The following CNTNAP3B variants were observed in gnomAD, a reference collection of about 807,000 sequenced individuals.
CNTNAP3B encodes contactin-associated protein-like 3B.
Under a neutral mutation model 108.9 loss-of-function variants are expected in CNTNAP3B, and 25 were observed. That is an observed-to-expected ratio of 0.23 (90% CI 0.17 to 0.32). The LOEUF is 0.32. CNTNAP3B is among the 10% of genes least tolerant of loss of function. The probability of loss-of-function intolerance (pLI) is 1.00; values close to 1 mark genes in which losing one functional copy is unlikely to be tolerated. For missense variants in CNTNAP3B, 252 were observed against 1,210.4 expected, an observed-to-expected ratio of 0.21 and a Z score of 11.75; for synonymous variants, 103 against 473.4, an observed-to-expected ratio of 0.22 and a Z score of 10.16.
chr9:41,921,078 C>T (rs1335903542), intron 17 of CNTNAP3B, among the ~76,000 whole-genome samples: 2 of 152,310 alleles, frequency 1.3e-5, no homozygotes, highest in African/African-American at 2.4e-5. Context: ...TTTTAGCCTC[C>T]TCCCAGAGAT....
intron 13 of CNTNAP3B, among the ~76,000 whole-genome samples, chr9:41,951,990 T>C (rs1330814627): frequency 6.6e-6 from 1 of 152,212 alleles, no homozygotes; most frequent in Admixed American, 6.5e-5. Flanking sequence ...GGCAGGAGAA[T>C]CGCTTGAATC....
In CNTNAP3B at chr9:42,129,361, G is replaced by C; in HGVS notation, c.-267C>G. ...GGCCGCGCGGCGCCGCCCCAGGCAC[G>C]GAGGCGGCAGGTTCAGGCGCGTCCC... On this transcript the variant is annotated 5_prime_UTR_variant, in exon 1 of 24. Transcript: ENST00000377561. The C allele has an allele frequency of 5.7e-6, 2 of 350,528 alleles. No individual in the cohort carries two copies. The highest frequency in any genetic ancestry group is 8.4e-5 in the South Asian group (1 of 11,854). 21.7% of individuals were successfully genotyped at this position (350,528 alleles called of 1,614,324 possible). A position where few individuals can be genotyped will look rare whatever the true frequency, so the allele number is the denominator to read the frequency against.
chr9:42,060,931 TTTTATATATA>T (rs1475866363), intron 3 of CNTNAP3B, among the ~76,000 whole-genome samples: 1 of 85,712 alleles, frequency 1.2e-5, no homozygotes, highest in Non-Finnish European at 2.2e-5. Context: ...TATGTTATAT[TTTTATATATA>T]TTTATATATT....
rs544494527 is a variant in CNTNAP3B at position 42,054,220 on chromosome 9, C to G, written c.390+22649G>C. ...AAAATCTTAGCATGAGAAATAGTTA[C>G]ACCATGTGAATTTAAAAATGAGGAG... On this transcript the variant is annotated intron_variant, in intron 3 of 23. Transcript: ENST00000377561. 4.1e-3 allele frequency among the ~76,000 whole-genome samples: 346 copies of G among 83,672 alleles called. 21 individuals are homozygous for G. Among genetic ancestry groups the G allele is most frequent in the African/African-American group, 0.015 (332 of 22,224 alleles). The allele number at this position is 83,672 out of a possible 152,430, so 54.9% of individuals were successfully genotyped here. A position where few individuals can be genotyped will look rare whatever the true frequency, so the allele number is the denominator to read the frequency against.
Position 42,109,072 on chromosome 9 carries a change from A to T in CNTNAP3B, c.86-4333T>A, listed in dbSNP as rs943485096. Among the ~76,000 whole-genome samples the T allele has an allele frequency of 4.3e-5, 6 of 138,442 alleles. 1 individual carries two copies. The highest frequency in any genetic ancestry group is 1.7e-4 in the African/African-American group (6 of 34,872). 90.8% of individuals were successfully genotyped at this position (138,442 alleles called of 152,430 possible). On this transcript the variant is annotated intron_variant, in intron 1 of 23. Transcript: ENST00000377561. ...AGACAGAGATGATATACTTTTCAAA[A>T]CAGCATTTCATTTGAGTATGTTAAT... is the stretch of plus-strand genomic sequence containing the variant.
chr9:41,934,122 T>TATATATATATATATATATATATATAC lies in CNTNAP3B; in HGVS notation c.2237+4121_2237+4122insGTATATATATATATATATATATATAT, dbSNP rs1214326050. 1.6e-3 allele frequency among the ~76,000 whole-genome samples: 116 copies of TATATATATATATATATATATATATAC among 73,166 alleles called. 1 individual carries two copies. Among genetic ancestry groups the TATATATATATATATATATATATATAC allele is most frequent in the African/African-American group, 5.3e-3 (90 of 16,878 alleles). The allele number at this position is 73,166 out of a possible 152,430, so 48.0% of individuals were successfully genotyped here. A position where few individuals can be genotyped will look rare whatever the true frequency, so the allele number is the denominator to read the frequency against. ...TTACATATATATATATATATATATATACACACACATATATATATACACACA... is the reference window on the plus strand; with the variant it reads ...TTACATATATATATATATATATATATATATATATATATATATATATATATACACACACACATATATATATACACACA... On this transcript the variant is annotated intron_variant, in intron 14 of 23. Transcript: ENST00000377561.
chr9:42,120,540 A>G (rs1203550881), intron 1 of CNTNAP3B, among the ~76,000 whole-genome samples: 1 of 138,188 alleles, frequency 7.2e-6, no homozygotes, highest in Non-Finnish European at 1.5e-5. Flanking sequence ...TTATTGCGGG[A>G]CTATTCACAA....
At chr9:41,928,502 C>T (rs1466654563) in intron 15 of CNTNAP3B, among the ~76,000 whole-genome samples, 1 of 152,102 alleles carries the variant, frequency 6.6e-6, no homozygotes, top group Non-Finnish European at 1.5e-5. Context: ...TAGCTGCCTA[C>T]ACGATTGGCT....
chr9:41,987,303 A>AT, intron 8 of CNTNAP3B, among the ~76,000 whole-genome samples: 2 of 53,128 alleles, frequency 3.8e-5, no homozygotes, highest in South Asian at 6.5e-4. Flanking sequence ...TCTACTAAAA[A>AT]ACAAAAAATT....
chr9:41,931,996 T>C (rs1047981145), intron 14 of CNTNAP3B, among the ~76,000 whole-genome samples: 3 of 152,220 alleles, frequency 2.0e-5, no homozygotes, highest in African/African-American at 7.2e-5. Flanking sequence ...AGTCTTGTTT[T>C]TTCATTGTTT....
Position 42,077,541 on chromosome 9 carries a change from C to T in CNTNAP3B, c.197-479G>A, listed in dbSNP as rs1421559954. Among the ~76,000 whole-genome samples the T allele has an allele frequency of 3.8e-5, 5 of 132,316 alleles. 2 individuals are homozygous for T. Among genetic ancestry groups the T allele is most frequent in the Non-Finnish European group, 8.0e-5 (5 of 62,522 alleles). 86.8% of individuals were successfully genotyped at this position (132,316 alleles called of 152,430 possible). On this transcript the variant is annotated intron_variant, in intron 2 of 23. Coordinates refer to ENST00000377561, the MANE Select transcript of CNTNAP3B (RefSeq NM_001201380.3). ...TTAAAACATAGAGTGCTTTGTGAGGCAATCCCACTTACATGTGGAATTCTA... is the reference window on the plus strand; with the variant it reads ...TTAAAACATAGAGTGCTTTGTGAGGTAATCCCACTTACATGTGGAATTCTA...
intron 13 of CNTNAP3B, among the ~76,000 whole-genome samples, chr9:41,943,345 ATTTTT>A (rs1165684239): frequency 0.044 from 5,877 of 132,426 alleles, 61 homozygotes; most frequent in East Asian, 0.13. Flanking sequence ...TTGGACAATA[ATTTTT>A]TTTTTTTTTT....
chr9:41,969,602 A>G (rs1587162128), intron 10 of CNTNAP3B, among the ~76,000 whole-genome samples: 5 of 152,054 alleles, frequency 3.3e-5, no homozygotes. Flanking sequence ...AATGCTATTT[A>G]TTCCATTAGA....
chr9:42,097,252 G>A, intron 2 of CNTNAP3B, among the ~76,000 whole-genome samples: 1 of 140,272 alleles, frequency 7.1e-6, no homozygotes, highest in Admixed American at 7.1e-5. Flanking sequence ...CATCTGGCAG[G>A]AGTGCACAGC....
intron 3 of CNTNAP3B, among the ~76,000 whole-genome samples, chr9:42,063,403 C>T (rs1827209298): frequency 7.4e-6 from 1 of 135,774 alleles, no homozygotes; most frequent in Non-Finnish European, 1.6e-5. Context: ...AAGGTTTCTG[C>T]TGTGATGTCT....
intron 1 of CNTNAP3B, among the ~76,000 whole-genome samples, chr9:42,123,840 A>T (rs1186413681): frequency 7.8e-6 from 1 of 128,600 alleles, no homozygotes; most frequent in African/African-American, 3.2e-5. Flanking sequence ...AAGTATAAGC[A>T]TATACTGAGT....
intron 3 of CNTNAP3B, among the ~76,000 whole-genome samples, chr9:42,043,172 C>T (rs1286778942): frequency 3.5e-4 from 29 of 82,556 alleles, no homozygotes; most frequent in Middle Eastern, 6.6e-3. Context: ...TTCTTTTATT[C>T]TTTTTTTTTT....
At chr9:41,966,898 C>T (rs554616609) in intron 10 of CNTNAP3B, among the ~76,000 whole-genome samples, 560 of 150,060 alleles carry the variant, frequency 3.7e-3, no homozygotes, top group African/African-American at 0.013. Context: ...ACCCAGGAGG[C>T]GGAGCTTGCA....
intron 16 of CNTNAP3B, among the ~76,000 whole-genome samples, chr9:41,923,612 A>C (rs1398719218): frequency 4.1e-3 from 628 of 152,078 alleles, no homozygotes; most frequent in Middle Eastern, 0.014. Context: ...AAATACAAAA[A>C]TTAGCTGGGC....
Sources: gnomAD v4.1 joint callset for allele counts (sites outside exome capture counted in the v4.1 genomes callset) on GRCh38, gnomAD v4.1.1 for gene constraint, MANE v1.5 for transcripts, NCBI Gene and HGNC (gene_info 2026-07-23, HGNC 2026-07-21) for gene names.